Variants in TAFA2 observed in about 807,000 individuals in gnomAD.
The protein encoded by TAFA2 is chemokine-like protein TAFA-2.
In TAFA2, 7 loss-of-function variants were observed where a neutral mutation model predicts 18.8. That is an observed-to-expected ratio of 0.37 (90% confidence interval 0.21 to 0.70). The LOEUF (loss-of-function observed/expected upper bound fraction) is 0.70. Among genes scored for constraint, TAFA2 ranks in the 30% least tolerant of loss-of-function variants. The pLI is 0.53. For synonymous variants in TAFA2, 60 were observed against 54.2 expected (o/e 1.11, Z -0.47); for missense variants, 122 against 158.1 (o/e 0.77, Z 1.23).
chr12:61,746,322 C>T (rs912967331), intron 4 of TAFA2, among the ~76,000 whole-genome samples: 1 of 152,070 alleles, frequency 6.6e-6, no homozygotes, highest in Non-Finnish European at 1.5e-5. Context: ...GAGGCCTCCC[C>T]AGCAATGTGG....
chr12:61,761,214 TCTGCTTCAAG>T (rs1481094158), intron 2 of TAFA2, among the ~76,000 whole-genome samples: 1 of 152,064 alleles, frequency 6.6e-6, no homozygotes, highest in Non-Finnish European at 1.5e-5. Context: ...TACCAAAACC[TCTGCTTCAAG>T]CTGCTTTTTT....
intron 1 of TAFA2, among the ~76,000 whole-genome samples, chr12:62,012,040 T>G (rs992115473): frequency 6.6e-6 from 1 of 152,246 alleles, no homozygotes; most frequent in Non-Finnish European, 1.5e-5. Flanking sequence ...GATTTTCAAG[T>G]GTTCTTAAAT....
intron 1 of TAFA2, among the ~76,000 whole-genome samples, chr12:62,082,001 T>C (rs1565738448): frequency 6.6e-6 from 1 of 151,342 alleles, no homozygotes. Context: ...TGTCCATGTG[T>C]TCTCATTGTT....
chr12:62,149,965 ACTCTT>A (rs1407238953), intron 1 of TAFA2, among the ~76,000 whole-genome samples: 4 of 152,182 alleles, frequency 2.6e-5, no homozygotes, highest in African/African-American at 9.6e-5. Context: ...GGGACAGAAA[ACTCTT>A]CTCTTTCCTA....
chr12:61,784,887 A>G (rs1041967725), intron 2 of TAFA2, among the ~76,000 whole-genome samples: 1 of 151,518 alleles, frequency 6.6e-6, no homozygotes, highest in East Asian at 1.9e-4. Context: ...GTTTCCATAC[A>G]TACAATGTAC....
rs188251010 is a variant in TAFA2 at position 61,816,130 on chromosome 12, A to G, written c.106+51190T>C. Among the ~76,000 whole-genome samples, 4 of 151,266 alleles carry G rather than the reference A, an allele frequency of 2.6e-5. No homozygotes were observed. In the East Asian group the frequency reaches 7.7e-4, roughly 29 times the overall value. On this transcript the variant is annotated intron_variant, in intron 2 of 4. Transcript: ENST00000416284. The stretch of plus-strand genomic sequence containing the variant: ...AGATTATTTCATACTCAGGTATTAA[A>G]CCTAGTTCCCAATAGTTGTCTTTTC...
At chr12:62,166,004 A>G (rs551278059) in intron 1 of TAFA2, among the ~76,000 whole-genome samples, 2 of 151,420 alleles carry the variant, frequency 1.3e-5, no homozygotes, top group East Asian at 1.9e-4. Flanking sequence ...TGCAAAAATG[A>G]TCTGAATTCT....
At chr12:62,061,097 A>C (rs902472672) in intron 1 of TAFA2, among the ~76,000 whole-genome samples, 9 of 152,110 alleles carry the variant, frequency 5.9e-5, no homozygotes, top group African/African-American at 2.2e-4. Flanking sequence ...TATTTTTAAT[A>C]AATTTAGTGT....
intron 4 of TAFA2, among the ~76,000 whole-genome samples, chr12:61,731,750 C>G (rs1246821125): frequency 1.3e-5 from 2 of 152,016 alleles, no homozygotes. Context: ...CAGTTGAGGA[C>G]ACGGAACCTC....
At chr12:61,980,965 T>C (rs538395683) in intron 1 of TAFA2, among the ~76,000 whole-genome samples, 35 of 152,062 alleles carry the variant, frequency 2.3e-4, no homozygotes, top group Non-Finnish European at 4.3e-4. Flanking sequence ...TACTTTAAAT[T>C]TCATATGGAA....
intron 4 of TAFA2, among the ~76,000 whole-genome samples, chr12:61,753,335 C>T (rs190912280): frequency 9.2e-5 from 14 of 152,010 alleles, no homozygotes; most frequent in Non-Finnish European, 1.6e-4. Context: ...AACATGCATC[C>T]TCAGTGGGGA....
At chr12:61,890,086 C>G (rs1463133387) in intron 1 of TAFA2, among the ~76,000 whole-genome samples, 2 of 152,220 alleles carry the variant, frequency 1.3e-5, no homozygotes, top group East Asian at 1.9e-4. Flanking sequence ...CTATTTCTTA[C>G]TGTACCATGA....
At chr12:62,046,426 T>C (rs1881910693) in intron 1 of TAFA2, among the ~76,000 whole-genome samples, 1 of 152,012 alleles carries the variant, frequency 6.6e-6, no homozygotes, top group Non-Finnish European at 1.5e-5. Context: ...GTAAGAGTTA[T>C]AAATCACTGC....
chr12:61,867,159 C>G (rs77415160), intron 2 of TAFA2, among the ~76,000 whole-genome samples, 161 bp downstream of exon 2: 1 of 151,946 alleles, frequency 6.6e-6, no homozygotes, highest in South Asian at 2.1e-4. Flanking sequence ...TCTATCAAAG[C>G]CATCTTAAAG....
At chr12:61,811,483 A>T (rs1871866706) in intron 2 of TAFA2, among the ~76,000 whole-genome samples, 1 of 151,508 alleles carries the variant, frequency 6.6e-6, no homozygotes, top group Non-Finnish European at 1.5e-5. Context: ...TTTGCAAGGC[A>T]TGATGACATT....
At chr12:62,255,113 C>T (rs572767113) in intron 1 of TAFA2, 6 of 152,196 alleles carry the variant, frequency 3.9e-5, no homozygotes, top group East Asian at 3.9e-4. Context: ...ATAACATTAA[C>T]GTATTTTAAT....
intron 1 of TAFA2, among the ~76,000 whole-genome samples, chr12:61,931,307 C>T (rs1877544997): frequency 6.6e-6 from 1 of 152,110 alleles, no homozygotes; most frequent in South Asian, 2.1e-4. Context: ...GATTGGAAAT[C>T]TCAGGTACCT....
At chr12:61,990,317 C>T (rs1879958448) in intron 1 of TAFA2, among the ~76,000 whole-genome samples, 2 of 147,842 alleles carry the variant, frequency 1.4e-5, no homozygotes, top group Admixed American at 6.8e-5. Flanking sequence ...AGTGTCTACT[C>T]TGAGCTAAAC....
intron 1 of TAFA2, among the ~76,000 whole-genome samples, chr12:61,945,206 A>C (rs1878215865): frequency 8.1e-6 from 1 of 123,428 alleles, no homozygotes; most frequent in South Asian, 2.6e-4. Flanking sequence ...GACAAAAACC[A>C]CATGATCATC....
Sources: gnomAD v4.1 joint callset for allele counts (sites outside exome capture counted in the v4.1 genomes callset) on GRCh38, gnomAD v4.1.1 for gene constraint, MANE v1.5 for transcripts, NCBI Gene and HGNC (gene_info 2026-07-23, HGNC 2026-07-21) for gene names.